The following CEP128 variants were observed in gnomAD, a reference collection of about 807,000 sequenced individuals.
CEP128 encodes centrosomal protein 128.
In CEP128, 132 loss-of-function variants were observed where a neutral mutation model predicts 156.7. The ratio of observed to expected loss-of-function variants is 0.84; its 90% confidence interval spans 0.73 to 0.97. CEP128 has a LOEUF of 0.97. Among genes scored for constraint, CEP128 ranks in the 50% least tolerant of loss-of-function variants. The pLI is 0.00. For synonymous variants in CEP128, 469 were observed against 448.9 expected, an observed-to-expected ratio of 1.04 and a Z score of -0.57; for missense variants, 1,252 against 1,281.9, an observed-to-expected ratio of 0.98 and a Z score of 0.36.
At chr14:80,535,887 CCTCTAGA>C (rs1889462787) in intron 21 of CEP128, among the ~76,000 whole-genome samples, 2 of 152,172 alleles carry the variant, frequency 1.3e-5, no homozygotes, top group African/African-American at 4.8e-5. Context: ...TTATGTATTT[CCTCTAGA>C]CTAAGGGCAA....
chr14:80,578,859 G>T (rs548136311), intron 20 of CEP128, among the ~76,000 whole-genome samples: 1 of 152,250 alleles, frequency 6.6e-6, no homozygotes, highest in East Asian at 1.9e-4. Flanking sequence ...TCAGGCACTA[G>T]TTACCATTAC....
intron 19 of CEP128, among the ~76,000 whole-genome samples, chr14:80,728,497 T>A (rs1000429200): frequency 1.3e-5 from 2 of 152,044 alleles, no homozygotes; most frequent in Admixed American, 6.6e-5. Flanking sequence ...TCTGCACATG[T>A]ACCCCTGAAC....
chr14:80,761,216 T>C (rs1329004582), intron 17 of CEP128, among the ~76,000 whole-genome samples: 1 of 151,442 alleles, frequency 6.6e-6, no homozygotes, highest in East Asian at 1.9e-4. Flanking sequence ...TTTTTTTTTT[T>C]ACAGAGTGAG....
chr14:80,562,645 C>T (rs974383561), intron 20 of CEP128, among the ~76,000 whole-genome samples: 4 of 132,686 alleles, frequency 3.0e-5, no homozygotes, highest in South Asian at 2.4e-4. Context: ...AACAGTGTAG[C>T]TTTTCTTTTC....
chr14:80,539,230 A>G (rs1421003924), intron 21 of CEP128, among the ~76,000 whole-genome samples: 1 of 152,186 alleles, frequency 6.6e-6, no homozygotes, highest in East Asian at 1.9e-4. Context: ...AGAAGTGTAA[A>G]GCAGGGTAAA....
At chr14:80,813,031 C>A (rs997411740) in intron 13 of CEP128, among the ~76,000 whole-genome samples, 3 of 152,082 alleles carry the variant, frequency 2.0e-5, no homozygotes, top group African/African-American at 7.2e-5. Flanking sequence ...TGAGAAGTGT[C>A]TTTTCATGTC....
chr14:80,558,776 T>C lies in CEP128; in HGVS notation c.2880+503A>G, dbSNP rs181545280. 4.1e-3 allele frequency among the ~76,000 whole-genome samples: 627 copies of C among 152,330 alleles called. 2 individuals carry two copies. The highest frequency in any genetic ancestry group is 6.3e-3 in the Non-Finnish European group (428 of 68,022). ...GCATGTAGTCTTGACATCTATGAAC[T>C]TGAAAAATTATTTCTTAATAGCACA... On this transcript the variant is annotated intron_variant, in intron 21 of 24. Coordinates refer to ENST00000555265, the MANE Select transcript of CEP128 (RefSeq NM_152446.5).
At chr14:80,566,836 C>T (rs912910961) in intron 20 of CEP128, among the ~76,000 whole-genome samples, 20 of 143,846 alleles carry the variant, frequency 1.4e-4, no homozygotes, top group Non-Finnish European at 2.2e-4. Context: ...TCTAAAATAA[C>T]ACAACACACA....
intron 19 of CEP128, among the ~76,000 whole-genome samples, chr14:80,691,280 G>T (rs1239021516): frequency 2.6e-5 from 4 of 152,088 alleles, no homozygotes; most frequent in African/African-American, 9.7e-5. Context: ...AAAAACAAAT[G>T]ATATTAATCA....
rs540955801 is a variant in CEP128, at chr14:80,512,941, G to A, written c.3073-7921C>T. On this transcript the variant is annotated intron_variant, in intron 23 of 24. Transcript: ENST00000555265. ...TACGCCATTTATGTCCTGAAAAGAT[G>A]TATTTGTTTTTATTTTTGATTGGCT... Among the ~76,000 whole-genome samples, 6 of 152,106 alleles carry A rather than the reference G, an allele frequency of 3.9e-5. No individual in the cohort carries two copies. In the South Asian group the frequency reaches 6.2e-4, roughly 16 times the overall value.
At chr14:80,953,882 T>A (rs1886526380) in intron 2 of CEP128, among the ~76,000 whole-genome samples, 1 of 152,160 alleles carries the variant, frequency 6.6e-6, no homozygotes, top group South Asian at 2.1e-4. Flanking sequence ...AATAATTACA[T>A]ATAAATACGT....
chr14:80,838,266 A>T lies in CEP128; in HGVS notation c.862T>A (p.Leu288Met), dbSNP rs765147340. ...TTCAATAACCTTCGAGATAGCTCCA[A>T]TTCCTGTTCAAGCTAGAGTTTCAAC... ...ETEKNQLEQE[L>M]ELSRRLLNQS... The change falls in exon 11 of 25, where the codon TTG (leucine) becomes ATG (methionine). Residue 288 changes from leucine (L) to methionine (M), a missense_variant. By Grantham distance (15) the Leu-to-Met change is conservative (BLOSUM62 2). Transcript: ENST00000555265. 1.5e-5 allele frequency: 25 copies of T among 1,612,936 alleles called. No homozygotes were observed. The highest frequency in any genetic ancestry group is 2.1e-5 in the Non-Finnish European group (25 of 1,179,248).
intron 18 of CEP128, among the ~76,000 whole-genome samples, chr14:80,751,092 C>T (rs1439752111): frequency 6.6e-6 from 1 of 152,146 alleles, no homozygotes; most frequent in Non-Finnish European, 1.5e-5. Flanking sequence ...AAACCTGGCA[C>T]CTTGATCTTG....
At chr14:80,722,605 T>C (rs865807448) in intron 19 of CEP128, among the ~76,000 whole-genome samples, 102 of 151,804 alleles carry the variant, frequency 6.7e-4, no homozygotes, top group Middle Eastern at 3.5e-3. Context: ...GAAAAAATGT[T>C]TATTGAAGCA....
At chr14:80,733,266 C>T (rs1898363460) in intron 19 of CEP128, among the ~76,000 whole-genome samples, 1 of 151,816 alleles carries the variant, frequency 6.6e-6, no homozygotes, top group African/African-American at 2.4e-5. Flanking sequence ...GGAACTATAC[C>T]ATAGGTGCTC....
intron 19 of CEP128, among the ~76,000 whole-genome samples, chr14:80,635,376 C>A (rs1327228629): frequency 6.6e-6 from 1 of 152,106 alleles, no homozygotes; most frequent in African/African-American, 2.4e-5. Flanking sequence ...CCCAATGCAT[C>A]CAAATGCCAA....
intron 2 of CEP128, among the ~76,000 whole-genome samples, chr14:80,937,219 G>A (rs185857865): frequency 4.8e-4 from 73 of 152,006 alleles, no homozygotes; most frequent in African/African-American, 1.6e-3. Context: ...TACTCGGGAG[G>A]CTGATGTGAG....
intron 8 of CEP128, among the ~76,000 whole-genome samples, chr14:80,864,714 G>A (rs1288312021): frequency 3.3e-5 from 5 of 151,914 alleles, no homozygotes; most frequent in African/African-American, 4.8e-5. Context: ...CTGCCACCAC[G>A]CCTGGCTAAT....
chr14:80,895,710 G>C lies in CEP128; in HGVS notation c.645+8C>G. On this transcript the variant is annotated splice_region_variant and intron_variant, in intron 8 of 24. Transcript: ENST00000555265. ...AAATAAAACTTTTTATTAAAAAAGAGATCTCACCACTTCTTGTTTCTGGGC... is the reference window on the plus strand; with the variant it reads ...AAATAAAACTTTTTATTAAAAAAGACATCTCACCACTTCTTGTTTCTGGGC... 2 of 1,534,366 alleles carry C rather than the reference G, an allele frequency of 1.3e-6. No homozygotes were observed. Among genetic ancestry groups the C allele is most frequent in the East Asian group, 2.3e-5 (1 of 42,782 alleles).
Sources: gnomAD v4.1 joint callset for allele counts (sites outside exome capture counted in the v4.1 genomes callset) on GRCh38, gnomAD v4.1.1 for gene constraint, MANE v1.5 for transcripts, NCBI Gene and HGNC (gene_info 2026-07-23, HGNC 2026-07-21) for gene names.